Variants in GPC6 observed in about 807,000 individuals in gnomAD.
The protein encoded by GPC6 is glypican 6.
In GPC6, 14 loss-of-function variants were observed where a neutral mutation model predicts 55.2. The observed-to-expected ratio is 0.25, with a 90% CI of 0.17 to 0.40. GPC6 has a LOEUF of 0.40. Among genes scored for constraint, GPC6 ranks in the 10% least tolerant of loss-of-function variants. The pLI is 1.00. For missense variants in GPC6, 641 were observed against 708.5 expected (o/e 0.90, Z 1.08); for synonymous variants, 278 against 259.6 (o/e 1.07, Z -0.68).
chr13:93,573,167 A>T (rs752537526), intron 2 of GPC6, among the ~76,000 whole-genome samples: 6 of 152,140 alleles, frequency 3.9e-5, no homozygotes, highest in Non-Finnish European at 7.4e-5. Context: ...CCCTGCTTGG[A>T]TAGGTTATAT....
intron 3 of GPC6, among the ~76,000 whole-genome samples, chr13:93,967,226 TA>T (rs1179747237): frequency 3.3e-5 from 5 of 152,166 alleles, no homozygotes; most frequent in African/African-American, 1.2e-4. Flanking sequence ...CTGAGATGTG[TA>T]AAGTGTGACA....
intron 1 of GPC6, among the ~76,000 whole-genome samples, chr13:93,519,936 T>C (rs1377204948): frequency 6.6e-6 from 1 of 152,028 alleles, no homozygotes; most frequent in African/African-American, 2.4e-5. Context: ...TTGTATTAAA[T>C]TGAATTTTGT....
chr13:94,364,215 C>T (rs1009967892), intron 6 of GPC6, among the ~76,000 whole-genome samples: 18 of 152,280 alleles, frequency 1.2e-4, no homozygotes, highest in Admixed American at 9.8e-4. Context: ...GCCTATGACA[C>T]TTCTGCAGCT....
chr13:93,782,907 A>G (rs1329434447), intron 2 of GPC6, among the ~76,000 whole-genome samples: 1 of 152,130 alleles, frequency 6.6e-6, no homozygotes, highest in African/African-American at 2.4e-5. Context: ...AAGTAAAGGT[A>G]TGCCATGGTG....
At chr13:93,961,189 A>C (rs2140383648) in intron 3 of GPC6, among the ~76,000 whole-genome samples, 1 of 152,316 alleles carries the variant, frequency 6.6e-6, no homozygotes, top group South Asian at 2.1e-4. Context: ...ATGCCATTTA[A>C]AACAGATTAC....
At position 94,044,020 on chromosome 13, in the gene GPC6, A is replaced by T. The variant is rs538485747; in HGVS notation, c.877+16126A>T. Among the ~76,000 whole-genome samples, 4 of 151,706 alleles carry T rather than the reference A, an allele frequency of 2.6e-5. No homozygotes were observed. The South Asian group carries it at 8.3e-4, about 31-fold the overall frequency. ...TATTTTAATTATTTCTTTATTTTGG[A>T]GTAGGATATGAAGCATTACTGTAGT... On this transcript the variant is annotated intron_variant, in intron 4 of 8. Coordinates refer to ENST00000377047, the MANE Select transcript of GPC6 (RefSeq NM_005708.5).
chr13:93,328,263 A>G (rs1201739467), intron 1 of GPC6, among the ~76,000 whole-genome samples: 1 of 152,160 alleles, frequency 6.6e-6, no homozygotes. Context: ...TTCTCCAGTA[A>G]TATTTGTGAG....
At chr13:93,285,560 C>T (rs926506164) in intron 1 of GPC6, among the ~76,000 whole-genome samples, 1 of 150,908 alleles carries the variant, frequency 6.6e-6, no homozygotes, top group Non-Finnish European at 1.5e-5. Flanking sequence ...TATAATTTTT[C>T]CCCACCCAAA....
At chr13:93,862,423 T>C (rs2139027816) in intron 3 of GPC6, among the ~76,000 whole-genome samples, 1 of 151,628 alleles carries the variant, frequency 6.6e-6, no homozygotes, top group South Asian at 2.1e-4. Flanking sequence ...CGGGGGCTAC[T>C]GGAGTGGAAA....
intron 4 of GPC6, among the ~76,000 whole-genome samples, chr13:94,034,200 A>AAGGAAG (rs1555289064): frequency 2.8e-5 from 2 of 72,622 alleles, no homozygotes; most frequent in South Asian, 5.2e-4. Context: ...AAAGAAAGAA[A>AAGGAAG]GAAGGAAGGA....
At chr13:93,984,612 T>G (rs1043538344) in intron 3 of GPC6, among the ~76,000 whole-genome samples, 4 of 152,228 alleles carry the variant, frequency 2.6e-5, no homozygotes, top group Non-Finnish European at 4.4e-5. Context: ...TCTATGTAAG[T>G]GAAGACTCTG....
intron 3 of GPC6, among the ~76,000 whole-genome samples, chr13:93,864,201 A>G (rs1047031642): frequency 6.6e-6 from 1 of 151,722 alleles, no homozygotes; most frequent in African/African-American, 2.4e-5. Flanking sequence ...TGAATACTTC[A>G]TTGTATGTAG....
At chr13:93,776,285 T>C (rs79772109) in intron 2 of GPC6, among the ~76,000 whole-genome samples, 72 of 152,318 alleles carry the variant, frequency 4.7e-4, no homozygotes, top group African/African-American at 1.6e-3. Flanking sequence ...ACCCTTACTA[T>C]GTGCTGGCGC....
chr13:93,810,428 C>T (rs904052132), intron 2 of GPC6, among the ~76,000 whole-genome samples: 1 of 152,168 alleles, frequency 6.6e-6, no homozygotes, highest in Non-Finnish European at 1.5e-5. Context: ...GAAATGGTTT[C>T]AGTCCTGGCT....
At chr13:93,475,762 C>G (rs1407458231) in intron 1 of GPC6, among the ~76,000 whole-genome samples, 1 of 152,270 alleles carries the variant, frequency 6.6e-6, no homozygotes, top group East Asian at 1.9e-4. Context: ...TAGAAGTGCA[C>G]TTCTTTCTGA....
intron 1 of GPC6, among the ~76,000 whole-genome samples, chr13:93,303,976 C>A (rs2139098133): frequency 6.7e-6 from 1 of 148,506 alleles, no homozygotes; most frequent in Non-Finnish European, 1.5e-5. Context: ...TCAAACAATT[C>A]TCCTGCCTCA....
In GPC6 at chr13:93,680,011, G is replaced by A. The variant is rs113862651; in HGVS notation, c.319+134590G>A. Reference sequence around the variant, plus strand: ...GAAAAATATGCCCTCTCAGTTTGTGGATATGGAGAAATAGAAACAAGGGAC... The same window carrying A: ...GAAAAATATGCCCTCTCAGTTTGTGAATATGGAGAAATAGAAACAAGGGAC... On this transcript the variant is annotated intron_variant, in intron 2 of 8. Coordinates refer to ENST00000377047, the MANE Select transcript of GPC6 (RefSeq NM_005708.5). Among the ~76,000 whole-genome samples, 1,329 of 152,206 alleles carry A rather than the reference G, an allele frequency of 8.7e-3. 35 individuals are homozygous for A. The highest frequency in any genetic ancestry group is 0.03 in the African/African-American group (1,258 of 41,530).
At chr13:94,344,441 G>A (rs1878188755) in intron 6 of GPC6, among the ~76,000 whole-genome samples, 1 of 152,194 alleles carries the variant, frequency 6.6e-6, no homozygotes, top group East Asian at 1.9e-4. Flanking sequence ...TAGTCTCACA[G>A]GAGGGATGAT....
intron 6 of GPC6, among the ~76,000 whole-genome samples, chr13:94,312,082 T>C (rs1360633793): frequency 2.0e-5 from 3 of 152,220 alleles, no homozygotes; most frequent in Non-Finnish European, 4.4e-5. Flanking sequence ...TTGAACATAC[T>C]GGAATGAATA....
Sources: gnomAD v4.1 joint callset for allele counts (sites outside exome capture counted in the v4.1 genomes callset) on GRCh38, gnomAD v4.1.1 for gene constraint, MANE v1.5 for transcripts, NCBI Gene and HGNC (gene_info 2026-07-23, HGNC 2026-07-21) for gene names.